The following SYNE1 variants were observed in gnomAD, a reference collection of about 807,000 sequenced individuals.
The protein encoded by SYNE1 is nesprin-1.
A neutral mutation model predicts 1,111.0 loss-of-function variants in SYNE1; 616 were observed. The observed-to-expected ratio is 0.55, with a 90% confidence interval of 0.52 to 0.59. The LOEUF is 0.59. SYNE1 is among the 20% of genes least tolerant of loss of function. The pLI, the probability that SYNE1 is intolerant of heterozygous loss-of-function variation, is 0.00. For missense variants in SYNE1, 10,006 were observed against 10,417.0 expected (o/e 0.96, Z 1.72); for synonymous variants, 3,855 against 3,825.8 (o/e 1.01, Z -0.28).
chr6:152,260,446 T>A (rs2091809325), intron 101 of SYNE1, among the ~76,000 whole-genome samples: 1 of 152,274 alleles, frequency 6.6e-6, no homozygotes, highest in South Asian at 2.1e-4. Context: ...CTGGGACACC[T>A]GCTTCCAGGA....
intron 93 of SYNE1, among the ~76,000 whole-genome samples, chr6:152,295,702 T>C (rs2094844127): frequency 6.6e-6 from 1 of 151,996 alleles, no homozygotes; most frequent in African/African-American, 2.4e-5. Flanking sequence ...CTGCAACTTC[T>C]CAAATTTTCA....
intron 4 of SYNE1, among the ~76,000 whole-genome samples, chr6:152,529,045 G>A (rs2099181587): frequency 6.6e-6 from 1 of 152,168 alleles, no homozygotes; most frequent in Admixed American, 6.5e-5. Context: ...CCCATAGGTA[G>A]TGGCTGTGAA....
At chr6:152,433,715 G>A (rs759764338) in intron 34 of SYNE1, 80 bp downstream of exon 34, 48 of 1,541,592 alleles carry the variant, frequency 3.1e-5, no homozygotes, top group Non-Finnish European at 4.0e-5. Flanking sequence ...TCCTGGGACC[G>A]AACAGCATTT....
At chr6:152,361,269 A>C (rs974076736) in intron 64 of SYNE1, among the ~76,000 whole-genome samples, 1 of 152,246 alleles carries the variant, frequency 6.6e-6, no homozygotes, top group African/African-American at 2.4e-5. Context: ...AGCATGGCAG[A>C]GGAGTTTATT....
rs748100457 is a variant in SYNE1, at chr6:152,156,023, G to A, written c.23865C>T (p.His7955=). 3.3e-5 allele frequency: 54 copies of A among 1,614,134 alleles called. No individual in the cohort carries two copies. Among genetic ancestry groups the A allele is most frequent in the Non-Finnish European group, 4.2e-5 (50 of 1,180,030 alleles). ...SVLNLCEVLL[H]DCDACATDAE... is the part of the protein sequence containing the mutation. ...CATCAGTGGCACAGGCGTCACAGTC[G>A]TGCAGCAGGACTTCACACAGGTTGA... Residue 7955 remains histidine (H), a synonymous_variant, in exon 132 of 146, where the codon CAC becomes CAT. Transcript: ENST00000367255.
chr6:152,628,816 G>A (rs1014551496), intron 2 of SYNE1, among the ~76,000 whole-genome samples: 2 of 152,122 alleles, frequency 1.3e-5, no homozygotes, highest in African/African-American at 4.8e-5. Flanking sequence ...TTCATTCCAT[G>A]TTTTCTTTTT....
chr6:152,334,166 A>G lies in SYNE1; in HGVS notation c.12636T>C (p.Asn4212=), dbSNP rs957539367. The part of the protein sequence containing the change: ...KEESPEHKEI[N]HLNDQWLDLC... The stretch of plus-strand genomic sequence containing the variant: ...AATCGAGCCACTGATCATTTAAATG[A>G]TTTATTTCCTTGTGTTCAGGCGATT... Residue 4212 remains asparagine, a synonymous_variant, in exon 77 of 146, where the codon AAT becomes AAC. Coordinates refer to ENST00000367255, the MANE Select transcript of SYNE1 (RefSeq NM_182961.4). 9.3e-6 allele frequency: 15 copies of G among 1,614,116 alleles called. No individual in the cohort carries two copies. Among genetic ancestry groups the G allele is most frequent in the African/African-American group, 4.0e-5 (3 of 75,042 alleles).
intron 3 of SYNE1, among the ~76,000 whole-genome samples, chr6:152,590,229 TA>T (rs982278617): frequency 1.8e-4 from 27 of 151,422 alleles, no homozygotes; most frequent in African/African-American, 6.0e-4. Context: ...TGTGCCCAGC[TA>T]AAAAAAATTA....
At chr6:152,506,468 G>C (rs2099058642) in intron 8 of SYNE1, among the ~76,000 whole-genome samples, 1 of 151,868 alleles carries the variant, frequency 6.6e-6, no homozygotes, top group Admixed American at 6.6e-5. Flanking sequence ...AAATTTTCAT[G>C]AAAAAATACA....
intron 121 of SYNE1, among the ~76,000 whole-genome samples, chr6:152,217,062 C>CA (rs34302800): frequency 0.21 from 22,146 of 106,980 alleles, 2,310 homozygotes; most frequent in Non-Finnish European, 0.26. Flanking sequence ...GACTCTATCT[C>CA]AAAAAAAAAA....
chr6:152,435,856 A>G (rs200830214), intron 33 of SYNE1, 85 bp downstream of exon 33: 1 of 1,436,798 alleles, frequency 7.0e-7, no homozygotes, highest in Middle Eastern at 1.9e-4. Context: ...GAGATTTTAA[A>G]AGAGTGTTTT....
intron 3 of SYNE1, among the ~76,000 whole-genome samples, chr6:152,619,273 C>T (rs1369169188): frequency 3.3e-5 from 5 of 152,098 alleles, no homozygotes; most frequent in African/African-American, 1.2e-4. Flanking sequence ...TGGGCTCTGG[C>T]GTGGTCTTCA....
At chr6:152,505,676 C>T (rs1020843471) in intron 8 of SYNE1, among the ~76,000 whole-genome samples, 13 of 152,176 alleles carry the variant, frequency 8.5e-5, no homozygotes, top group Non-Finnish European at 1.5e-4. Context: ...TATACTCAAT[C>T]CCCTACAGTC....
intron 33 of SYNE1, chr6:152,434,852 T>C (rs2098458964): frequency 6.6e-6 from 1 of 152,088 alleles, no homozygotes; most frequent in South Asian, 2.1e-4. Flanking sequence ...GACTGTCAAA[T>C]TAAATAATAT....
chr6:152,579,577 T>C (rs2099512483), intron 3 of SYNE1, among the ~76,000 whole-genome samples: 2 of 152,168 alleles, frequency 1.3e-5, no homozygotes. Context: ...ATGGGTAAAT[T>C]GCATGTGTTG....
intron 3 of SYNE1, among the ~76,000 whole-genome samples, chr6:152,576,112 C>T (rs1302601257): frequency 6.6e-6 from 1 of 152,202 alleles, no homozygotes; most frequent in Non-Finnish European, 1.5e-5. Context: ...AAGTACCAAC[C>T]CATCTTTCTT....
intron 127 of SYNE1, among the ~76,000 whole-genome samples, chr6:152,196,069 G>C (rs73780646): frequency 6.6e-6 from 1 of 152,072 alleles, no homozygotes; most frequent in Non-Finnish European, 1.5e-5. Flanking sequence ...CAACAGAACC[G>C]TGGGGAATAC....
chr6:152,341,803 C>T (rs2096539624), intron 74 of SYNE1, among the ~76,000 whole-genome samples: 1 of 152,128 alleles, frequency 6.6e-6, no homozygotes, highest in African/African-American at 2.4e-5. Flanking sequence ...AATGAAACAA[C>T]TTTTGTTCTC....
intron 4 of SYNE1, among the ~76,000 whole-genome samples, chr6:152,529,710 G>T (rs1457924115): frequency 3.3e-5 from 5 of 152,178 alleles, no homozygotes; most frequent in African/African-American, 7.2e-5. Context: ...AGAGGTGAAT[G>T]ACCTCTCCCT....
Sources: allele counts gnomAD v4.1 joint callset (sites outside exome capture counted in the v4.1 genomes callset), GRCh38; gene constraint gnomAD v4.1.1; transcripts MANE v1.5; gene names NCBI Gene and HGNC (gene_info 2026-07-23, HGNC 2026-07-21).